Variants in SIPA1L2 observed in about 807,000 individuals in gnomAD.
SIPA1L2 encodes the protein signal-induced proliferation-associated 1-like protein 2.
SIPA1L2 carries 56 observed loss-of-function variants against 163.9 expected under a neutral mutation model. The observed-to-expected ratio is 0.34, with a 90% CI of 0.28 to 0.43. The LOEUF is 0.43. Among genes scored for constraint, SIPA1L2 ranks in the 20% least tolerant of loss-of-function variants. The pLI is 1.00. For synonymous variants in SIPA1L2, 877 were observed against 865.7 expected (o/e 1.01, Z -0.23); for missense variants, 1,974 against 2,193.5 (o/e 0.90, Z 2.00).
chr1:232,430,736 G>A (rs972077028), intron 16 of SIPA1L2, among the ~76,000 whole-genome samples: 1 of 152,116 alleles, frequency 6.6e-6, no homozygotes, highest in African/African-American at 2.4e-5. Flanking sequence ...GGCCTCTTGC[G>A]ATAACCAGTT....
intron 10 of SIPA1L2, among the ~76,000 whole-genome samples, chr1:232,453,493 G>A (rs1663708318): frequency 6.6e-6 from 1 of 152,122 alleles, no homozygotes. Context: ...AATAATCTAA[G>A]GAAAAGCCTT....
Position 232,626,715 on chromosome 1 carries a change from A to G in SIPA1L2, c.-319+3154T>C, listed in dbSNP as rs182259447. Reference sequence around the variant, plus strand: ...ACCCTCATGCAAAGCATTCACATACAAACTTACTATAGGCCAAGGCAAAGA... The same window carrying G: ...ACCCTCATGCAAAGCATTCACATACGAACTTACTATAGGCCAAGGCAAAGA... On this transcript the variant is annotated intron_variant, in intron 1 of 22. Transcript: ENST00000674635. Among the ~76,000 whole-genome samples, 10 of 152,324 alleles carry G rather than the reference A, an allele frequency of 6.6e-5. No individual in the cohort carries two copies. In the East Asian group the frequency reaches 1.9e-3, roughly 29 times the overall value.
rs554683095 is a variant in SIPA1L2, at chr1:232,445,585, G to C, written c.3297C>G (p.Ala1099=). Residue 1099 remains alanine, a synonymous_variant, in exon 11 of 23, where the codon GCC becomes GCG. Transcript: ENST00000674635. ...AGGTGCTTCGAGGAATGGCAGCCTG[G>C]GCCTGCTGGAGCAGCTGTTGGCACG... The part of the protein sequence containing the change: ...RLPCQQLLQQ[A]QAAIPRSTSF... The C allele has an allele frequency of 3.3e-5, 54 of 1,614,016 alleles. 1 individual carries two copies. In the South Asian group the frequency reaches 5.6e-4, roughly 17 times the overall value.
chr1:232,587,783 C>A (rs7550495), intron 1 of SIPA1L2, among the ~76,000 whole-genome samples: 119,975 of 152,094 alleles, frequency 0.79, 47,720 homozygotes, highest in East Asian at 0.92. Flanking sequence ...GGACCCAGTG[C>A]GAGATAACTA....
intron 1 of SIPA1L2, among the ~76,000 whole-genome samples, chr1:232,627,960 A>T (rs759330193): frequency 1.4e-4 from 21 of 152,208 alleles, no homozygotes; most frequent in Non-Finnish European, 1.5e-5. Flanking sequence ...AATACACTCT[A>T]ATTTAGAACA....
chr1:232,478,613 A>T (rs914087335), intron 7 of SIPA1L2, among the ~76,000 whole-genome samples: 1 of 152,254 alleles, frequency 6.6e-6, no homozygotes, highest in African/African-American at 2.4e-5. Flanking sequence ...TTGGTGCTTT[A>T]ATATATTTAG....
intron 3 of SIPA1L2, among the ~76,000 whole-genome samples, chr1:232,497,349 G>A (rs530048645): frequency 5.9e-5 from 9 of 152,054 alleles, no homozygotes; most frequent in Non-Finnish European, 8.8e-5. Flanking sequence ...CTGGAGGGAG[G>A]CAGAGTCGAT....
Position 232,443,652 on chromosome 1 carries a change from G to T in SIPA1L2, c.3387C>A (p.Asp1129Glu). ...SSPSNQSSSS[D>E]PGPGGSGPWR... ...AGGGTCCGCTCCCGCCGGGTCCAGG[G>T]TCGCTGGAGGATGACTGGTTGCTGG... The change falls in exon 12 of 23, where the codon GAC (aspartate) becomes GAA (glutamate). Residue 1129 changes from aspartate (D) to glutamate (E), a missense_variant. Asp to Glu is a conservative substitution (Grantham distance 45, BLOSUM62 2). Transcript: ENST00000674635. 1 of 1,609,522 alleles carries T rather than the reference G, an allele frequency of 6.2e-7. No homozygotes were observed. The highest frequency in any genetic ancestry group is 8.5e-7 in the Non-Finnish European group (1 of 1,177,964).
intron 16 of SIPA1L2, among the ~76,000 whole-genome samples, chr1:232,429,960 TAC>T (rs1662132102): frequency 6.6e-6 from 1 of 152,216 alleles, no homozygotes; most frequent in South Asian, 2.1e-4. Context: ...AGTTTCTATA[TAC>T]GTTTATAGAA....
chr1:232,445,395 C>G lies in SIPA1L2; in HGVS notation c.3353+134G>C, dbSNP rs926649097. The G allele has an allele frequency of 6.0e-6, 8 of 1,327,698 alleles. No individual in the cohort carries two copies. The African/African-American group carries it at 1.0e-4, about 17-fold the overall frequency. The allele number at this position is 1,327,698 out of a possible 1,614,324, so 82.2% of individuals were successfully genotyped here. ...AGGCACCACTGTGTCTGGGGCCTGC[C>G]TTGCTACCCTGCTTGCCAACTTGCT... On this transcript the variant is annotated intron_variant, in intron 11 of 22. Transcript: ENST00000674635.
chr1:232,539,265 T>C (rs1024772556), intron 2 of SIPA1L2, among the ~76,000 whole-genome samples: 2 of 152,210 alleles, frequency 1.3e-5, no homozygotes. Context: ...AGTGGACACC[T>C]TAGGCAAGGC....
intron 10 of SIPA1L2, 99 bp downstream of exon 10, chr1:232,460,788 T>A: frequency 1.4e-6 from 2 of 1,418,606 alleles, no homozygotes; most frequent in Non-Finnish European, 1.9e-6. Flanking sequence ...AAGACACACT[T>A]GACTGCATTT....
chr1:232,439,328 G>C lies in SIPA1L2; in HGVS notation c.3811C>G (p.Pro1271Ala). 6.2e-7 allele frequency: 1 copy of C among 1,614,216 alleles called. No individual in the cohort carries two copies. Among genetic ancestry groups the C allele is most frequent in the Non-Finnish European group, 8.5e-7 (1 of 1,180,044 alleles). Reference protein sequence around the residue: ...ASTDSGIDTAPCMPATILGPV... With the variant: ...ASTDSGIDTAACMPATILGPV... ...CCGAGGATGGTGGCAGGCATGCAGG[G>C]GGCCGTGTCGATGCCACTGTCGGTG... Residue 1271 changes from proline (P) to alanine (A), a missense_variant, in exon 15 of 23, where the codon CCC becomes GCC. Pro to Ala is a conservative substitution (Grantham distance 27). This residue lies in a region of SIPA1L2 where 1,079 missense variants were observed against 1,150.7 expected (regional missense o/e 0.94). Coordinates refer to ENST00000674635, the MANE Select transcript of SIPA1L2 (RefSeq NM_020808.5).
chr1:232,570,137 G>A lies in SIPA1L2; in HGVS notation c.-270+4037C>T, dbSNP rs74762474. On this transcript the variant is annotated intron_variant, in intron 2 of 22. Transcript: ENST00000674635. The stretch of plus-strand genomic sequence containing the variant: ...GTAACACTACAGTGCCAGCTATCTC[G>A]GAAAATTCTATTCATCTTTGTAAGG... Among the ~76,000 whole-genome samples the A allele has an allele frequency of 7.9e-4, 121 of 152,270 alleles. 1 individual carries two copies. The East Asian group carries it at 0.021, about 26-fold the overall frequency.
chr1:232,608,473 C>T (rs1262946851), intron 1 of SIPA1L2, among the ~76,000 whole-genome samples: 1 of 152,204 alleles, frequency 6.6e-6, no homozygotes, highest in Non-Finnish European at 1.5e-5. Context: ...TAACAACTCT[C>T]AAATAATAGA....
At chr1:232,541,272 A>ATAACG (rs1553309802) in intron 2 of SIPA1L2, among the ~76,000 whole-genome samples, 1 of 143,222 alleles carries the variant, frequency 7.0e-6, no homozygotes, top group East Asian at 1.9e-4. Flanking sequence ...ATAACATAAC[A>ATAACG]TAACATAACA....
At chr1:232,549,977 C>G (rs1285464610) in intron 2 of SIPA1L2, among the ~76,000 whole-genome samples, 2 of 152,130 alleles carry the variant, frequency 1.3e-5, no homozygotes, top group Admixed American at 1.3e-4. Flanking sequence ...CAGTGAATTT[C>G]TTTTTCATTT....
At chr1:232,561,729 T>C (rs1375235100) in intron 2 of SIPA1L2, among the ~76,000 whole-genome samples, 1 of 152,226 alleles carries the variant, frequency 6.6e-6, no homozygotes, top group Non-Finnish European at 1.5e-5. Flanking sequence ...GATAAGTTAC[T>C]TATCATTGCC....
intron 2 of SIPA1L2, among the ~76,000 whole-genome samples, chr1:232,547,604 G>A (rs908762025): frequency 6.6e-6 from 1 of 150,876 alleles, no homozygotes; most frequent in Non-Finnish European, 1.5e-5. Flanking sequence ...GGGCAGGGTG[G>A]GGCAGATAAG....
Sources: gnomAD v4.1 joint callset for allele counts (sites outside exome capture counted in the v4.1 genomes callset) on GRCh38, gnomAD v4.1.1 for gene constraint, gnomAD v4.1.1 regional missense constraint, MANE v1.5 for transcripts, NCBI Gene and HGNC (gene_info 2026-07-23, HGNC 2026-07-21) for gene names.